Variants in FRMPD4 observed in about 807,000 individuals in gnomAD.
FRMPD4 encodes FERM and PDZ domain-containing protein 4.
In FRMPD4, 22 loss-of-function variants were observed where a neutral mutation model predicts 94.1. That is an observed-to-expected ratio of 0.23 (90% CI 0.17 to 0.33). The LOEUF (loss-of-function observed/expected upper bound fraction) is 0.33. Among genes scored for constraint, FRMPD4 ranks in the 10% least tolerant of loss-of-function variants. The probability of loss-of-function intolerance (pLI) is 1.00; values close to 1 mark genes in which losing one functional copy is unlikely to be tolerated. For synonymous variants in FRMPD4, 631 were observed against 548.6 expected (o/e 1.15, Z -2.10); for missense variants, 1,111 against 1,339.9 (o/e 0.83, Z 2.67).
At chrX:12,139,110 A>G (rs2055649218) in intron 1 of FRMPD4, 98 bp downstream of exon 1, 2 of 694,604 alleles carry the variant, frequency 2.9e-6, no homozygotes, top group Admixed American at 4.0e-5. Context: ...AAAGCTGGAA[A>G]GCGCGACGGG....
intron 1 of FRMPD4, among the ~76,000 whole-genome samples, chrX:12,351,092 A>C (rs1228416751): frequency 4.6e-5 from 5 of 109,707 alleles, no homozygotes; most frequent in African/African-American, 1.7e-4. Context: ...GAACAGCTTG[A>C]ACCAGGGAGT....
intron 4 of FRMPD4, among the ~76,000 whole-genome samples, chrX:12,668,750 A>C (rs953803914): frequency 1.8e-5 from 2 of 109,575 alleles, no homozygotes; most frequent in Non-Finnish European, 3.8e-5. Flanking sequence ...GATTACAAGC[A>C]TGTGCCACCA....
intron 1 of FRMPD4, among the ~76,000 whole-genome samples, chrX:12,434,997 T>G (rs923259110): frequency 2.7e-5 from 3 of 112,591 alleles, no homozygotes; most frequent in Non-Finnish European, 3.8e-5. Context: ...TGAGAAGTGA[T>G]CCCTTCACAG....
At chrX:11,979,451 C>CTAAT (rs1206618408) in intron 3 of FRMPD4, among the ~76,000 whole-genome samples, 1 of 112,185 alleles carries the variant, frequency 8.9e-6, no homozygotes, top group Non-Finnish European at 1.9e-5. Flanking sequence ...TGCAAGTTAA[C>CTAAT]TAATTAATGC....
At chrX:12,485,823 C>T (rs1038023248) in intron 1 of FRMPD4, among the ~76,000 whole-genome samples, 2 of 110,174 alleles carry the variant, frequency 1.8e-5, no homozygotes, top group African/African-American at 6.6e-5. Context: ...GCATGAGAAT[C>T]GCTTGAACCC....
intron 1 of FRMPD4, among the ~76,000 whole-genome samples, chrX:12,383,225 T>C (rs1423705342): frequency 8.9e-6 from 1 of 112,459 alleles, no homozygotes; most frequent in Non-Finnish European, 1.9e-5. Flanking sequence ...ACTTAGAGCA[T>C]AGCACATAGA....
chrX:12,483,873 C>T lies in FRMPD4; in HGVS notation c.42-14807C>T, dbSNP rs184705361. The stretch of plus-strand genomic sequence containing the variant: ...ATTAAAAATTTTAGATTTTTTTTTA[C>T]TGGGGAAAATCAAGTGAAAGACAAT... On this transcript the variant is annotated intron_variant, in intron 1 of 16. Coordinates refer to ENST00000675598, the MANE Select transcript of FRMPD4 (RefSeq NM_001368397.1). Among the ~76,000 whole-genome samples the T allele has an allele frequency of 3.6e-5, 4 of 111,004 alleles. No individual in the cohort carries two copies. In the East Asian group the frequency reaches 8.4e-4, roughly 23 times the overall value.
At chrX:11,968,539 C>G (rs374162355) in intron 3 of FRMPD4, among the ~76,000 whole-genome samples, 6 of 111,489 alleles carry the variant, frequency 5.4e-5, no homozygotes, top group African/African-American at 1.6e-4. Flanking sequence ...AGCACTCTCC[C>G]CCTAGCGACC....
intron 1 of FRMPD4, among the ~76,000 whole-genome samples, chrX:12,188,955 A>C (rs969937975): frequency 5.4e-5 from 6 of 112,108 alleles, no homozygotes; most frequent in Non-Finnish European, 1.1e-4. Flanking sequence ...TACCAGTGAA[A>C]TTGAAAACAG....
chrX:12,010,328 A>G (rs1214772461), intron 3 of FRMPD4, among the ~76,000 whole-genome samples: 1 of 112,663 alleles, frequency 8.9e-6, no homozygotes, highest in African/African-American at 3.2e-5. Flanking sequence ...TATTATCATT[A>G]AATTCTTGTA....
chrX:12,415,686 A>G (rs1334136240), intron 1 of FRMPD4, among the ~76,000 whole-genome samples: 2 of 111,973 alleles, frequency 1.8e-5, no homozygotes, highest in African/African-American at 6.5e-5. Context: ...GTTGTGTTTG[A>G]TTATAATGCC....
intron 3 of FRMPD4, among the ~76,000 whole-genome samples, chrX:11,882,119 T>G (rs1315481282): frequency 9.0e-6 from 1 of 111,515 alleles, no homozygotes; most frequent in Non-Finnish European, 1.9e-5. Flanking sequence ...GCATAGTGTA[T>G]TGTGAGAGCA....
At chrX:12,014,069 A>G (rs1028049571) in intron 3 of FRMPD4, among the ~76,000 whole-genome samples, 12 of 111,876 alleles carry the variant, frequency 1.1e-4, no homozygotes, top group African/African-American at 1.6e-4. Context: ...GCCAGGTCTC[A>G]CTTTTCCCCC....
intron 14 of FRMPD4, among the ~76,000 whole-genome samples, chrX:12,712,684 A>C (rs968281867): frequency 1.8e-5 from 2 of 112,198 alleles, no homozygotes; most frequent in Admixed American, 1.9e-4. Flanking sequence ...ACAAAAAAGG[A>C]GGTGATAGGC....
At chrX:12,129,135 A>C (rs755459235) in intron 3 of FRMPD4, among the ~76,000 whole-genome samples, 2 of 112,153 alleles carry the variant, frequency 1.8e-5, no homozygotes, top group African/African-American at 6.5e-5. Context: ...TCTTTATAGC[A>C]GCACCCTACT....
chrX:12,393,256 T>C (rs1342600471), intron 1 of FRMPD4, among the ~76,000 whole-genome samples: 2 of 112,653 alleles, frequency 1.8e-5, no homozygotes, highest in Non-Finnish European at 3.7e-5. Flanking sequence ...CTATATTTTA[T>C]CTGGCAACCT....
chrX:12,040,355 G>A (rs1329206326), intron 3 of FRMPD4, among the ~76,000 whole-genome samples: 2 of 100,020 alleles, frequency 2.0e-5, no homozygotes, highest in Non-Finnish European at 4.0e-5. Context: ...TGGTAATATA[G>A]CCACTCCAGC....
intron 3 of FRMPD4, among the ~76,000 whole-genome samples, chrX:12,075,349 TG>T (rs1248788455): frequency 3.7e-5 from 4 of 106,936 alleles, no homozygotes. Flanking sequence ...GTTATGTGTG[TG>T]TGGGGGGTGG....
chrX:12,369,169 T>C (rs965851736), intron 1 of FRMPD4, among the ~76,000 whole-genome samples: 3 of 110,695 alleles, frequency 2.7e-5, no homozygotes, highest in Non-Finnish European at 3.8e-5. Flanking sequence ...GTCTGCTGTA[T>C]GTAAGGGCAT....
Sources: gnomAD v4.1 joint callset for allele counts (sites outside exome capture counted in the v4.1 genomes callset) on GRCh38, gnomAD v4.1.1 for gene constraint, MANE v1.5 for transcripts, NCBI Gene and HGNC (gene_info 2026-07-23, HGNC 2026-07-21) for gene names.